The following IRAK1BP1 variants were observed in gnomAD, a reference collection of about 807,000 sequenced individuals.
The protein encoded by IRAK1BP1 is interleukin-1 receptor-associated kinase 1-binding protein 1.
A neutral mutation model predicts 28.0 loss-of-function variants in IRAK1BP1; 24 were observed. The ratio of observed to expected loss-of-function variants is 0.86; its 90% confidence interval spans 0.62 to 1.20. The LOEUF (loss-of-function observed/expected upper bound fraction) is 1.20. Among genes scored for constraint, IRAK1BP1 ranks in the 50% most tolerant of loss-of-function variants. The probability of loss-of-function intolerance (pLI) is 0.00; values close to 1 mark genes in which losing one functional copy is unlikely to be tolerated. For synonymous variants in IRAK1BP1, 131 were observed against 116.3 expected (o/e 1.13, Z -0.81); for missense variants, 336 against 316.7 (o/e 1.06, Z -0.46).
chr6:78,897,507 G>A (rs566276790), intron 2 of IRAK1BP1, among the ~76,000 whole-genome samples: 1 of 152,156 alleles, frequency 6.6e-6, no homozygotes, highest in East Asian at 1.9e-4. Flanking sequence ...ATTAGACAAA[G>A]GAATCATGCT....
At chr6:78,920,739 G>T (rs1702266679) in intron 4 of IRAK1BP1, among the ~76,000 whole-genome samples, 1 of 152,118 alleles carries the variant, frequency 6.6e-6, no homozygotes, top group Admixed American at 6.5e-5. Flanking sequence ...AAGATTTCAT[G>T]ACAAAGACTC....
chr6:78,909,577 A>G (rs1772351263), intron 4 of IRAK1BP1, among the ~76,000 whole-genome samples: 1 of 152,188 alleles, frequency 6.6e-6, no homozygotes. Flanking sequence ...GAATTGCACA[A>G]CTCTAAATCT....
In IRAK1BP1 at chr6:78,898,523, T is replaced by C. The variant is rs1771988471; in HGVS notation, c.*189T>C. 2 of 152,462 alleles carry C rather than the reference T, an allele frequency of 1.3e-5. No homozygotes were observed. The highest frequency in any genetic ancestry group is 1.4e-4 in the Admixed American group (2 of 14,782). 9.4% of individuals were successfully genotyped at this position (152,462 alleles called of 1,614,324 possible). ...TCCCACAGAATACTTATGTTCACTT[T>C]CTATTTTTAAAAGACTACTCTGAAA... On this transcript the variant is annotated 3_prime_UTR_variant, in exon 4 of 4. Coordinates refer to ENST00000369940, the MANE Select transcript of IRAK1BP1 (RefSeq NM_001010844.4).
intron 1 of IRAK1BP1, among the ~76,000 whole-genome samples, chr6:78,875,114 A>G (rs909887058): frequency 8.5e-5 from 13 of 152,250 alleles, no homozygotes; most frequent in African/African-American, 3.1e-4. Context: ...ACAAGCAGCC[A>G]GCAAACACAT....
At chr6:78,878,772 C>G (rs530864687) in intron 1 of IRAK1BP1, among the ~76,000 whole-genome samples, 1 of 152,194 alleles carries the variant, frequency 6.6e-6, no homozygotes, top group East Asian at 1.9e-4. Flanking sequence ...AGATGAATGG[C>G]TAACTAGAAT....
chr6:78,976,579 T>A, the IRAK1BP1 span, among the ~76,000 whole-genome samples: 1 of 134,780 alleles, frequency 7.4e-6, no homozygotes, highest in African/African-American at 2.7e-5. Flanking sequence ...ACCATCAGAG[T>A]GAACAGGCAA....
At chr6:78,886,395 T>A (rs1229093315) in intron 2 of IRAK1BP1, among the ~76,000 whole-genome samples, 1 of 152,178 alleles carries the variant, frequency 6.6e-6, no homozygotes, top group Non-Finnish European at 1.5e-5. Flanking sequence ...ACTTAAAATT[T>A]TACTATGTCA....
chr6:78,946,102 C>T (rs200729688), exon 5 of IRAK1BP1: 5 of 1,613,582 alleles, frequency 3.1e-6, no homozygotes, highest in African/African-American at 1.3e-5. Context: ...TACAACCACT[C>T]GGTTGCTTCT....
rs1311596867 is a variant in IRAK1BP1, at chr6:78,899,320, T to G, written c.*986T>G. On this transcript the variant is annotated 3_prime_UTR_variant, in exon 4 of 4. Coordinates refer to ENST00000369940, the MANE Select transcript of IRAK1BP1 (RefSeq NM_001010844.4). ...CTGAGGGCTATCTCACATCTAACAG[T>G]TTCTTTACTAGGACCAGAGACCATT... The G allele has an allele frequency of 6.6e-6, 1 of 152,138 alleles. No homozygotes were observed. The highest frequency in any genetic ancestry group is 2.4e-5 in the African/African-American group (1 of 41,412). 9.4% of individuals were successfully genotyped at this position (152,138 alleles called of 1,614,324 possible). A position where few individuals can be genotyped will look rare whatever the true frequency, so the allele number is the denominator to read the frequency against.
chr6:78,886,268 C>G (rs902393254), intron 2 of IRAK1BP1, among the ~76,000 whole-genome samples: 1 of 152,050 alleles, frequency 6.6e-6, no homozygotes, highest in African/African-American at 2.4e-5. Context: ...TCTCAAAGGT[C>G]ATATAACAAG....
chr6:78,893,306 G>A (rs1270018181), intron 2 of IRAK1BP1, among the ~76,000 whole-genome samples: 2 of 97,874 alleles, frequency 2.0e-5, no homozygotes, highest in Non-Finnish European at 4.0e-5. Flanking sequence ...GTGTGTGTGT[G>A]TGTGTGTGTA....
intron 4 of IRAK1BP1, among the ~76,000 whole-genome samples, chr6:78,911,337 C>G (rs566039961): frequency 1.3e-5 from 2 of 152,222 alleles, no homozygotes; most frequent in East Asian, 3.9e-4. Context: ...CGAGGTCAAC[C>G]TCCTCTGCCC....
At chr6:78,976,021 C>T in the IRAK1BP1 span, among the ~76,000 whole-genome samples, 19 of 151,952 alleles carry the variant, frequency 1.3e-4, no homozygotes, top group Non-Finnish European at 1.6e-4. Context: ...TTGGAAAAAA[C>T]TACTTTAAAG....
chr6:78,875,086 C>G (rs1770947666), intron 1 of IRAK1BP1, among the ~76,000 whole-genome samples: 1 of 152,124 alleles, frequency 6.6e-6, no homozygotes. Flanking sequence ...TGAGTAGACA[C>G]TTCTCAAAAG....
chr6:78,870,400 C>A (rs982342534), intron 1 of IRAK1BP1, among the ~76,000 whole-genome samples: 5 of 152,094 alleles, frequency 3.3e-5, no homozygotes, highest in Non-Finnish European at 5.9e-5. Context: ...CTTGTTTCTC[C>A]TCCATATTCT....
intron 1 of IRAK1BP1, among the ~76,000 whole-genome samples, chr6:78,884,384 G>A (rs1182001077): frequency 6.6e-6 from 1 of 152,090 alleles, no homozygotes; most frequent in Non-Finnish European, 1.5e-5. Context: ...AAGAATGAGA[G>A]TAGCTGAAGA....
chr6:78,972,747 C>G, the IRAK1BP1 span, among the ~76,000 whole-genome samples: 1 of 151,892 alleles, frequency 6.6e-6, no homozygotes, highest in East Asian at 1.9e-4. Flanking sequence ...GCCTCAGGAG[C>G]CGATGCGATG....
Position 78,941,369 on chromosome 6 carries a change from C to A in IRAK1BP1, c.*68-4039C>A, listed in dbSNP as rs375380711. ...ACAGTACACTTAATATATGGAGTTT[C>A]TTTTTTTGTTTGACTCTCAAACTTG... On this transcript the variant is annotated intron_variant and NMD_transcript_variant, in intron 4 of 4. Transcript: ENST00000606868. 4 of 1,513,966 alleles carry A rather than the reference C, an allele frequency of 2.6e-6. No homozygotes were observed. In the African/African-American group the frequency reaches 5.6e-5, roughly 21 times the overall value. The allele number at this position is 1,513,966 out of a possible 1,614,324, so 93.8% of individuals were successfully genotyped here.
chr6:78,945,558 G>A (rs1773767083), exon 5 of IRAK1BP1: 1 of 1,038,876 alleles, frequency 9.6e-7, no homozygotes, highest in Admixed American at 2.0e-5. Context: ...TAAGAAAAAA[G>A]GTTAACCTGA....
Sources: gnomAD v4.1 joint callset for allele counts (sites outside exome capture counted in the v4.1 genomes callset) on GRCh38, gnomAD v4.1.1 for gene constraint, MANE v1.5 for transcripts, NCBI Gene and HGNC (gene_info 2026-07-23, HGNC 2026-07-21) for gene names.